Variants in SPAST observed in about 807,000 individuals in gnomAD.
The protein encoded by SPAST is spastic paraplegia 4 (autosomal dominant; spastin).
SPAST carries 30 observed loss-of-function variants against 76.6 expected under a neutral mutation model. That is an observed-to-expected ratio of 0.39 (90% CI 0.29 to 0.53). The LOEUF is 0.53. Ranked by LOEUF, SPAST falls within the 20% of genes least tolerant of loss-of-function variation. The probability of loss-of-function intolerance (pLI) is 0.68; values close to 1 mark genes in which losing one functional copy is unlikely to be tolerated. For missense variants in SPAST, 717 were observed against 770.5 expected (o/e 0.93, Z 0.82); for synonymous variants, 305 against 281.0 (o/e 1.09, Z -0.86).
At chr2:32,075,493 AG>A (rs1676918294) in intron 1 of SPAST, among the ~76,000 whole-genome samples, 1 of 146,494 alleles carries the variant, frequency 6.8e-6, no homozygotes. Flanking sequence ...AAAAAAAAAA[AG>A]AGATGGAAGT....
At chr2:32,136,411 G>A (rs962053605) in intron 9 of SPAST, 152 bp from the exon 10 acceptor site, 9 of 612,008 alleles carry the variant, frequency 1.5e-5, no homozygotes, top group African/African-American at 6.3e-5. Flanking sequence ...GTAAGGGACG[G>A]TTAGTAGTAC....
At chr2:32,085,163 T>A (rs1469423457) in intron 1 of SPAST, among the ~76,000 whole-genome samples, 1 of 151,288 alleles carries the variant, frequency 6.6e-6, no homozygotes, top group Non-Finnish European at 1.5e-5. Context: ...TAATTTTAGT[T>A]AATTTATAAC....
chr2:32,137,239 T>C, intron 12 of SPAST, 51 bp downstream of exon 12: 1 of 1,289,538 alleles, frequency 7.8e-7, no homozygotes, highest in Non-Finnish European at 1.1e-6. Flanking sequence ...CAATATTTAC[T>C]CATGTGTCCA....
At chr2:32,134,369 GC>G (rs1679466595) in intron 9 of SPAST, among the ~76,000 whole-genome samples, 1 of 152,032 alleles carries the variant, frequency 6.6e-6, no homozygotes. Context: ...GGGTGTGGTG[GC>G]AGGCGCCTGT....
chr2:32,080,137 C>T (rs923840084), intron 1 of SPAST, among the ~76,000 whole-genome samples: 1 of 152,084 alleles, frequency 6.6e-6, no homozygotes, highest in East Asian at 1.9e-4. Context: ...AGTGGTATCT[C>T]GTTGTGATTT....
intron 1 of SPAST, among the ~76,000 whole-genome samples, chr2:32,078,748 G>A (rs990435542): frequency 6.6e-6 from 1 of 152,076 alleles, no homozygotes; most frequent in Admixed American, 6.6e-5. Context: ...TTAACTTTTT[G>A]TACTTACATA....
chr2:32,074,727 G>A (rs569722052), intron 1 of SPAST, among the ~76,000 whole-genome samples: 3 of 151,912 alleles, frequency 2.0e-5, no homozygotes, highest in Admixed American at 2.0e-4. Flanking sequence ...GGCTGGTCTC[G>A]AACTCCGGAC....
intron 13 of SPAST, 64 bp downstream of exon 13, chr2:32,142,010 T>C: frequency 8.2e-7 from 1 of 1,221,362 alleles, no homozygotes; most frequent in Non-Finnish European, 1.2e-6. Flanking sequence ...ATCTTGACAA[T>C]ATTAAGTCTT....
At chr2:32,148,914 C>T (rs999669456) in intron 16 of SPAST, among the ~76,000 whole-genome samples, 4 of 149,182 alleles carry the variant, frequency 2.7e-5, no homozygotes, top group African/African-American at 2.5e-5. Context: ...GCAGAGGTTG[C>T]AGTGAGCCAA....
intron 1 of SPAST, among the ~76,000 whole-genome samples, chr2:32,084,568 C>T (rs1026746996): frequency 2.6e-5 from 4 of 151,918 alleles, no homozygotes; most frequent in African/African-American, 9.7e-5. Flanking sequence ...AAACTGGAAA[C>T]AACCTCAATA....
intron 4 of SPAST, among the ~76,000 whole-genome samples, chr2:32,103,155 G>C (rs1459958695): frequency 6.6e-6 from 1 of 152,142 alleles, no homozygotes; most frequent in Non-Finnish European, 1.5e-5. Flanking sequence ...CCTGTTATTG[G>C]TCTATTCAGG....
intron 7 of SPAST, among the ~76,000 whole-genome samples, chr2:32,120,101 C>T (rs1427139013): frequency 6.6e-6 from 1 of 151,816 alleles, no homozygotes; most frequent in Non-Finnish European, 1.5e-5. Flanking sequence ...CCTCCTGTCT[C>T]AGCCTCCCAA....
At chr2:32,094,279 C>T (rs777866837) in intron 3 of SPAST, among the ~76,000 whole-genome samples, 9 of 151,992 alleles carry the variant, frequency 5.9e-5, no homozygotes, top group Admixed American at 2.6e-4. Context: ...AGTGCAATGG[C>T]GTGATCTCGG....
At chr2:32,083,776 A>ATTTTT (rs1178658126) in intron 1 of SPAST, among the ~76,000 whole-genome samples, 8 of 46,062 alleles carry the variant, frequency 1.7e-4, no homozygotes, top group South Asian at 9.3e-4. Flanking sequence ...ATATATATAT[A>ATTTTT]TTTTTTTTTT....
At chr2:32,120,026 CT>C (rs1334920064) in intron 7 of SPAST, among the ~76,000 whole-genome samples, 369 of 143,420 alleles carry the variant, frequency 2.6e-3, no homozygotes, top group Non-Finnish European at 2.6e-3. Flanking sequence ...TTCTTTCTTT[CT>C]TTTTTTTTTT....
At chr2:32,078,429 G>A (rs1054515036) in intron 1 of SPAST, among the ~76,000 whole-genome samples, 7 of 152,208 alleles carry the variant, frequency 4.6e-5, no homozygotes, top group African/African-American at 1.4e-4. Flanking sequence ...ACCCTCCTTA[G>A]CCTCCCAAAG....
intron 7 of SPAST, among the ~76,000 whole-genome samples, chr2:32,124,030 T>C (rs1241498952): frequency 6.6e-6 from 1 of 152,154 alleles, no homozygotes; most frequent in Non-Finnish European, 1.5e-5. Flanking sequence ...TGTTGAACTT[T>C]GTTTAAATTA....
chr2:32,072,040 T>G (rs1676770752), intron 1 of SPAST, among the ~76,000 whole-genome samples: 1 of 152,120 alleles, frequency 6.6e-6, no homozygotes, highest in African/African-American at 2.4e-5. Context: ...TCAATTTGTT[T>G]TATTTATTTA....
intron 16 of SPAST, among the ~76,000 whole-genome samples, chr2:32,152,174 G>T (rs990294554): frequency 6.6e-6 from 1 of 152,064 alleles, no homozygotes; most frequent in South Asian, 2.1e-4. Context: ...TTTTCCTGTT[G>T]TATACATTAG....
Sources: gnomAD v4.1 joint callset for allele counts (sites outside exome capture counted in the v4.1 genomes callset) on GRCh38, gnomAD v4.1.1 for gene constraint, MANE v1.5 for transcripts, NCBI Gene and HGNC (gene_info 2026-07-23, HGNC 2026-07-21) for gene names.